The following FAM13A variants were observed in gnomAD, a reference collection of about 807,000 sequenced individuals.
FAM13A encodes the protein family with sequence similarity 13 member A, also known as protein FAM13A.
In FAM13A, 76 loss-of-function variants were observed where a neutral mutation model predicts 129.6. The ratio of observed to expected loss-of-function variants is 0.59; its 90% confidence interval spans 0.49 to 0.71. FAM13A has a LOEUF of 0.71. Among genes scored for constraint, FAM13A ranks in the 30% least tolerant of loss-of-function variants. FAM13A has a pLI of 0.00. For synonymous variants in FAM13A, 443 were observed against 449.9 expected (o/e 0.98, Z 0.20); for missense variants, 1,108 against 1,249.3 (o/e 0.89, Z 1.70).
intron 7 of FAM13A, chr4:88,823,023 A>G: frequency 6.2e-7 from 1 of 1,613,644 alleles, no homozygotes; most frequent in Middle Eastern, 1.7e-4. Context: ...GTAAATTTGC[A>G]AGGGAATCTC....
intron 7 of FAM13A, among the ~76,000 whole-genome samples, chr4:88,847,320 A>T (rs879694528): frequency 6.6e-5 from 10 of 152,076 alleles, no homozygotes; most frequent in Non-Finnish European, 1.2e-4. Flanking sequence ...GAGCTCAGGA[A>T]GTCAAGGCTG....
chr4:88,922,982 A>C (rs1325475789), intron 5 of FAM13A, among the ~76,000 whole-genome samples: 8 of 152,230 alleles, frequency 5.3e-5, no homozygotes, highest in South Asian at 4.1e-4. Flanking sequence ...CACATACACC[A>C]TCCCAAGACT....
intron 6 of FAM13A, among the ~76,000 whole-genome samples, chr4:88,862,848 C>A (rs1377588004): frequency 2.6e-5 from 4 of 151,638 alleles, no homozygotes; most frequent in Non-Finnish European, 5.9e-5. Context: ...AGTTGCTAGG[C>A]TAGTTACCAG....
chr4:88,902,253 T>C (rs1446003409), intron 6 of FAM13A, among the ~76,000 whole-genome samples: 1 of 152,174 alleles, frequency 6.6e-6, no homozygotes, highest in Non-Finnish European at 1.5e-5. Context: ...CCTAACTCAT[T>C]GTATGAGGCC....
At chr4:88,756,202 C>T (rs1321232626) in intron 14 of FAM13A, among the ~76,000 whole-genome samples, 1 of 152,154 alleles carries the variant, frequency 6.6e-6, no homozygotes, top group Non-Finnish European at 1.5e-5. Flanking sequence ...AATAATAAAA[C>T]AGCTATGTAT....
At chr4:88,965,047 A>G (rs901211048) in intron 4 of FAM13A, among the ~76,000 whole-genome samples, 3 of 152,248 alleles carry the variant, frequency 2.0e-5, no homozygotes, top group African/African-American at 7.2e-5. Flanking sequence ...ATCACACAGT[A>G]CAACTCTACA....
rs576455646 is a variant in FAM13A, at chr4:88,884,554, G to A, written c.843+21825C>T. ...CCACAGCCAACATTATACTGAATGAGGAAAAGTTGAAAGCATTCTCCCTAA... is the reference window on the plus strand; with the variant it reads ...CCACAGCCAACATTATACTGAATGAAGAAAAGTTGAAAGCATTCTCCCTAA... On this transcript the variant is annotated intron_variant, in intron 6 of 23. Transcript: ENST00000264344. Among the ~76,000 whole-genome samples the A allele has an allele frequency of 1.9e-4, 29 of 152,162 alleles. No individual in the cohort carries two copies. In the South Asian group the frequency reaches 6.0e-3, roughly 32 times the overall value.
In FAM13A at chr4:88,726,008, TAA is replaced by T. The variant is rs1288701889; in HGVS notation, c.*2523_*2524del. 2 of 152,234 alleles carry T rather than the reference TAA, an allele frequency of 1.3e-5. No individual in the cohort carries two copies. The highest frequency in any genetic ancestry group is 3.8e-4 in the East Asian group (2 of 5,204). The allele number at this position is 152,234 out of a possible 1,614,324, so 9.4% of individuals were successfully genotyped here. On this transcript the variant is annotated 3_prime_UTR_variant, in exon 24 of 24. Transcript: ENST00000264344. ...CTTAAGTTTACTTACACTTATGAAA[TAA>T]CTCTTGACATTTATTTTGTTGGCAT...
intron 7 of FAM13A, among the ~76,000 whole-genome samples, chr4:88,822,759 T>C (rs1353594420): frequency 6.6e-6 from 1 of 152,160 alleles, no homozygotes; most frequent in Non-Finnish European, 1.5e-5. Context: ...TATAACTAAA[T>C]ACAACAATCA....
rs1320255033 is a variant in FAM13A, at chr4:88,922,108, T to A, written c.760-15646A>T. 1.7e-3 allele frequency among the ~76,000 whole-genome samples: 253 copies of A among 149,182 alleles called. 2 individuals are homozygous for A. The highest frequency in any genetic ancestry group is 6.2e-3 in the African/African-American group (239 of 38,692). On this transcript the variant is annotated intron_variant, in intron 5 of 23. Transcript: ENST00000264344. ...CTCCCACATAATAATAATGGGAGAT[T>A]TTAACACCCCACTGTCAACATTAGA...
intron 7 of FAM13A, among the ~76,000 whole-genome samples, chr4:88,814,460 A>G (rs1730289479): frequency 6.6e-6 from 1 of 152,154 alleles, no homozygotes; most frequent in African/African-American, 2.4e-5. Context: ...AGGTGTGGCA[A>G]TTGAGGGAGT....
At chr4:88,890,077 G>A (rs1179803194) in intron 6 of FAM13A, among the ~76,000 whole-genome samples, 1 of 152,188 alleles carries the variant, frequency 6.6e-6, no homozygotes, top group Non-Finnish European at 1.5e-5. Flanking sequence ...AAGGTAGACT[G>A]GAGGTCAGAA....
intron 5 of FAM13A, among the ~76,000 whole-genome samples, chr4:88,907,334 T>G (rs1395698071): frequency 1.3e-5 from 2 of 152,204 alleles, no homozygotes; most frequent in African/African-American, 2.4e-5. Flanking sequence ...TTCCCCAACA[T>G]TCCTGCCATT....
chr4:88,756,387 G>A lies in FAM13A; in HGVS notation c.1726+2367C>T, dbSNP rs192313970. Among the ~76,000 whole-genome samples, 622 of 152,150 alleles carry A rather than the reference G, an allele frequency of 4.1e-3. 6 individuals carry two copies. The highest frequency in any genetic ancestry group is 0.015 in the African/African-American group (604 of 41,506). On this transcript the variant is annotated intron_variant, in intron 14 of 23. Transcript: ENST00000264344. ...CCAGAAGCCAATGAACATCATTTTT[G>A]TGTGGAGGGGCAGTACTTAGTGAAT...
chr4:88,757,888 T>C (rs1744006026), intron 14 of FAM13A, among the ~76,000 whole-genome samples: 2 of 152,202 alleles, frequency 1.3e-5, no homozygotes, highest in South Asian at 4.1e-4. Context: ...GACTGATTTT[T>C]CACAGCTAAG....
At chr4:88,924,230 G>A (rs1579302730) in intron 5 of FAM13A, among the ~76,000 whole-genome samples, 1 of 152,162 alleles carries the variant, frequency 6.6e-6, no homozygotes, top group East Asian at 1.9e-4. Context: ...AACCCAAAAA[G>A]AGCCCGCATC....
intron 6 of FAM13A, among the ~76,000 whole-genome samples, chr4:88,869,798 C>A (rs1278901300): frequency 1.3e-5 from 2 of 152,110 alleles, no homozygotes; most frequent in Non-Finnish European, 2.9e-5. Context: ...AAAAATAATT[C>A]AGGCTAAATG....
intron 4 of FAM13A, among the ~76,000 whole-genome samples, chr4:88,946,803 T>C (rs1755968031): frequency 6.6e-6 from 1 of 152,084 alleles, no homozygotes; most frequent in Non-Finnish European, 1.5e-5. Flanking sequence ...AGTACCAGTC[T>C]CCCTAGTACA....
chr4:88,818,288 C>T (rs1332427051), intron 7 of FAM13A, among the ~76,000 whole-genome samples: 1 of 152,142 alleles, frequency 6.6e-6, no homozygotes, highest in Non-Finnish European at 1.5e-5. Context: ...CAGACATGAA[C>T]CACTGTGCCT....
Sources: gnomAD v4.1 joint callset for allele counts (sites outside exome capture counted in the v4.1 genomes callset) on GRCh38, gnomAD v4.1.1 for gene constraint, MANE v1.5 for transcripts, NCBI Gene and HGNC (gene_info 2026-07-23, HGNC 2026-07-21) for gene names.